Variants in AKAP8L observed in about 807,000 individuals in gnomAD.
AKAP8L encodes A-kinase anchor protein 8-like.
Under a neutral mutation model 77.5 loss-of-function variants are expected in AKAP8L, and 34 were observed. The observed-to-expected ratio is 0.44, with a 90% confidence interval of 0.33 to 0.58. AKAP8L has a LOEUF of 0.58. AKAP8L is among the 20% of genes least tolerant of loss of function. The pLI is 0.02. For synonymous variants in AKAP8L, 342 were observed against 340.7 expected, an observed-to-expected ratio of 1.00 and a Z score of -0.04; for missense variants, 806 against 887.6, an observed-to-expected ratio of 0.91 and a Z score of 1.17.
chr19:15,411,579 G>A (rs991154460), intron 1 of AKAP8L, among the ~76,000 whole-genome samples: 8 of 152,236 alleles, frequency 5.3e-5, no homozygotes, highest in South Asian at 2.1e-4. Flanking sequence ...AGCTATGATT[G>A]CGCCACTGCA....
Position 15,391,860 on chromosome 19 carries a change from A to G in AKAP8L, c.1536+5290T>C, listed in dbSNP as rs117244593. On this transcript the variant is annotated intron_variant, in intron 12 of 13. Coordinates refer to ENST00000397410, the MANE Select transcript of AKAP8L (RefSeq NM_014371.4). ...CCTTATGTTTTTATTTTTTAGAGAC[A>G]GGGTCTTGCTCTGTCACTCATGCTG... Among the ~76,000 whole-genome samples, 12 of 152,004 alleles carry G rather than the reference A, an allele frequency of 7.9e-5. No homozygotes were observed. In the East Asian group the frequency reaches 2.3e-3, roughly 30 times the overall value.
rs1006947124 is a variant in AKAP8L, at chr19:15,403,660, A to G, written c.177T>C (p.Tyr59=). 7 of 1,612,632 alleles carry G rather than the reference A, an allele frequency of 4.3e-6. No individual in the cohort carries two copies. ...AGTGTGAAGTGGCCATACCATACCC[A>G]TAGTTGGTGGTGTTATCCTGGCCAT... ...YGYGQDNTTN[Y]GYGMATSHSW... Residue 59 remains tyrosine, a synonymous_variant, in exon 4 of 14, where the codon TAT becomes TAC. Coordinates refer to ENST00000397410, the MANE Select transcript of AKAP8L (RefSeq NM_014371.4). The surrounding 1 kb of genome is among the most constrained non-coding windows in gnomAD (Gnocchi z 4.3).
At chr19:15,389,993 T>A (rs747009216) in intron 12 of AKAP8L, among the ~76,000 whole-genome samples, 6 of 151,850 alleles carry the variant, frequency 4.0e-5, no homozygotes, top group East Asian at 1.9e-4. Context: ...CTATTTATTT[T>A]TTTTTAATCA....
chr19:15,380,181 G>A lies in AKAP8L; in HGVS notation c.1882C>T (p.Arg628Cys), dbSNP rs977775746. 20 of 1,504,916 alleles carry A rather than the reference G, an allele frequency of 1.3e-5. No individual in the cohort carries two copies. The highest frequency in any genetic ancestry group is 1.8e-5 in the Non-Finnish European group (20 of 1,135,504). 93.2% of individuals were successfully genotyped at this position (1,504,916 alleles called of 1,614,324 possible). Reference sequence around the variant, plus strand: ...TCCACGTCGAGGCCCGGGATGCCGCGGATCTGGCGTTGCAGCGCCCCTCCC... The same window carrying A: ...TCCACGTCGAGGCCCGGGATGCCGCAGATCTGGCGTTGCAGCGCCCCTCCC... ...LLGGALQRQI[R>C]GIPGLDVEDD... is the part of the protein sequence containing the mutation. The change falls in exon 14 of 14, where the codon CGC (arginine) becomes TGC (cysteine). Residue 628 changes from arginine to cysteine, a missense_variant. Physicochemically the swap from Arg to Cys is radical, Grantham distance 180. Transcript: ENST00000397410.
rs1239394057 is a variant in AKAP8L, at chr19:15,405,792, C to T, written c.89-1750G>A. Among the ~76,000 whole-genome samples, 6 of 151,950 alleles carry T rather than the reference C, an allele frequency of 3.9e-5. No homozygotes were observed. In the South Asian group the frequency reaches 1.2e-3, roughly 32 times the overall value. On this transcript the variant is annotated intron_variant, in intron 2 of 13. Transcript: ENST00000397410. ...CAAAAATTAGCCAGGTGTGGTGGTG[C>T]GCGTCTATGGTCTCAGATGCTTGGG...
chr19:15,380,074 T>G lies in AKAP8L; in HGVS notation c.*48A>C. 6.9e-7 allele frequency: 1 copy of G among 1,440,306 alleles called. No homozygotes were observed. Among genetic ancestry groups the G allele is most frequent in the East Asian group, 2.9e-5 (1 of 34,268 alleles). 89.2% of individuals were successfully genotyped at this position (1,440,306 alleles called of 1,614,324 possible). A position where few individuals can be genotyped will look rare whatever the true frequency, so the allele number is the denominator to read the frequency against. On this transcript the variant is annotated 3_prime_UTR_variant, in exon 14 of 14. Coordinates refer to ENST00000397410, the MANE Select transcript of AKAP8L (RefSeq NM_014371.4). ...GTGGGATGGGAAAACTTTATTAGGT[T>G]TGGTTTCCAGCTTCGGCCACGCGGG...
chr19:15,408,253 G>A (rs1364210648), intron 2 of AKAP8L, among the ~76,000 whole-genome samples: 1 of 152,014 alleles, frequency 6.6e-6, no homozygotes, highest in African/African-American at 2.4e-5. Context: ...TTCAGTAAAG[G>A]TACGAAGGCA....
intron 12 of AKAP8L, among the ~76,000 whole-genome samples, chr19:15,392,681 A>G (rs7253722): frequency 0.81 from 122,220 of 151,352 alleles, 49,724 homozygotes; most frequent in East Asian, 0.99. Flanking sequence ...TGGATCCCCC[A>G]AGGTCAGGAG....
chr19:15,418,803 G>A, intron 1 of AKAP8L, 108 bp downstream of exon 1: 1 of 1,115,670 alleles, frequency 9.0e-7, no homozygotes, highest in South Asian at 1.4e-5. Flanking sequence ...TGACCGCAGG[G>A]AAGGCAGTGA....
In AKAP8L at chr19:15,399,640, G is replaced by T. The variant is rs1469335554; in HGVS notation, c.1049-230C>A. On this transcript the variant is annotated intron_variant, in intron 8 of 13. Transcript: ENST00000397410. The surrounding 1 kb of genome is among the most constrained non-coding windows in gnomAD (Gnocchi z 6.1). ...AGGCGATGACCCCTCCACTCTCCAGGACACCCATGCTCTCTGTGCAGTGGG... is the reference window on the plus strand; with the variant it reads ...AGGCGATGACCCCTCCACTCTCCAGTACACCCATGCTCTCTGTGCAGTGGG... The T allele has an allele frequency of 1.8e-6, 1 of 565,866 alleles. No homozygotes were observed. Among genetic ancestry groups the T allele is most frequent in the African/African-American group, 1.9e-5 (1 of 53,020 alleles). The allele number at this position is 565,866 out of a possible 1,614,324, so 35.1% of individuals were successfully genotyped here. A position where few individuals can be genotyped will look rare whatever the true frequency, so the allele number is the denominator to read the frequency against.
chr19:15,410,404 C>T, intron 2 of AKAP8L, 116 bp downstream of exon 2: 1 of 864,906 alleles, frequency 1.2e-6, no homozygotes, highest in Non-Finnish European at 1.8e-6. Flanking sequence ...CACACCATTT[C>T]ACACAAGTTT....
At chr19:15,395,249 G>A (rs920974147) in intron 12 of AKAP8L, among the ~76,000 whole-genome samples, 2 of 151,964 alleles carry the variant, frequency 1.3e-5, no homozygotes, top group African/African-American at 4.8e-5. Context: ...AGCCAGGATG[G>A]TCTCAATCTC....
chr19:15,406,404 A>AGG (rs60749981), intron 2 of AKAP8L, among the ~76,000 whole-genome samples: 8 of 143,710 alleles, frequency 5.6e-5, no homozygotes, highest in Non-Finnish European at 1.2e-4. Flanking sequence ...AGAGAGAGAG[A>AGG]TCCTTAAAAT....
Position 15,380,283 on chromosome 19 carries a change from C to G in AKAP8L, c.1780G>C (p.Glu594Gln). The G allele has an allele frequency of 6.6e-7, 1 of 1,526,018 alleles. No homozygotes were observed. The allele number at this position is 1,526,018 out of a possible 1,614,324, so 94.5% of individuals were successfully genotyped here. ...GVPAQPPVPP[E>Q]PAPGAVSPPP... Reference sequence around the variant, plus strand: ...GGCGACACGGCCCCGGGGGCTGGCTCTGGGGGCACGGGAGGCTGCGCCGGC... The same window carrying G: ...GGCGACACGGCCCCGGGGGCTGGCTGTGGGGGCACGGGAGGCTGCGCCGGC... The change falls in exon 14 of 14, where the codon GAG becomes CAG. Residue 594 changes from glutamate to glutamine, a missense_variant. Coordinates refer to ENST00000397410, the MANE Select transcript of AKAP8L (RefSeq NM_014371.4).
intron 12 of AKAP8L, chr19:15,381,226 C>T (rs929182092): frequency 1.3e-5 from 2 of 153,066 alleles, no homozygotes; most frequent in Admixed American, 1.3e-4. Flanking sequence ...AATTTAAGAA[C>T]TGGAAACATG....
rs192053249 is a variant in AKAP8L at position 15,417,730 on chromosome 19, C to T, written c.13+1181G>A. ...GCCCCACAGACTCACGTTGCATTCTCAGTTCTCAAAATTCCAAGTAGAATG... is the reference window on the plus strand; with the variant it reads ...GCCCCACAGACTCACGTTGCATTCTTAGTTCTCAAAATTCCAAGTAGAATG... On this transcript the variant is annotated intron_variant, in intron 1 of 13. Coordinates refer to ENST00000397410, the MANE Select transcript of AKAP8L (RefSeq NM_014371.4). 6.6e-5 allele frequency: 10 copies of T among 152,316 alleles called. No individual in the cohort carries two copies. The East Asian group carries it at 1.7e-3, about 26-fold the overall frequency. 9.4% of individuals were successfully genotyped at this position (152,316 alleles called of 1,614,324 possible).
chr19:15,400,850 C>G lies in AKAP8L; in HGVS notation c.928G>C (p.Gly310Arg). Residue 310 changes from glycine to arginine, a missense_variant, in exon 7 of 14, where the codon GGG (glycine) becomes CGG (arginine). Gly to Arg is a moderately radical substitution (Grantham distance 125). Transcript: ENST00000397410. ...CCTTCAAGGCCCTCTGTGGCTTCCCCCTCGGTGCCCTCATCTGAAAGGGAA... is the reference window on the plus strand; with the variant it reads ...CCTTCAAGGCCCTCTGTGGCTTCCCGCTCGGTGCCCTCATCTGAAAGGGAA... ...SDSDNDEGTE[G>R]EATEGLEGTE... The G allele has an allele frequency of 6.2e-7, 1 of 1,614,020 alleles. No individual in the cohort carries two copies. Among genetic ancestry groups the G allele is most frequent in the Non-Finnish European group, 8.5e-7 (1 of 1,179,882 alleles).
chr19:15,392,880 G>A (rs555449241), intron 12 of AKAP8L, among the ~76,000 whole-genome samples: 276 of 25,226 alleles, frequency 0.011, no homozygotes, highest in Middle Eastern at 0.059. Context: ...TGGGCAACAA[G>A]AGCAAAACTC....
chr19:15,397,842 A>T lies in AKAP8L; in HGVS notation c.1171T>A (p.Cys391Ser). 6.2e-7 allele frequency: 1 copy of T among 1,613,902 alleles called. No individual in the cohort carries two copies. The highest frequency in any genetic ancestry group is 8.5e-7 in the Non-Finnish European group (1 of 1,179,848). The stretch of plus-strand genomic sequence containing the variant: ...AAGGTCCGGTATTTGCACAGAGAAC[A>T]CACAAACTGGATCCTGCCACAGGAA... ...DRMVERIQFV[C>S]SLCKYRTFYE... Residue 391 changes from cysteine (C) to serine (S), a missense_variant, in exon 10 of 14, where the codon TGT (cysteine) becomes AGT (serine). Physicochemically the swap from Cys to Ser is moderately radical, Grantham distance 112. Around this residue, in one of 2 missense-constraint regions of AKAP8L, gnomAD observed 580 missense variants for 694.1 expected, o/e 0.84. Coordinates refer to ENST00000397410, the MANE Select transcript of AKAP8L (RefSeq NM_014371.4). The surrounding 1 kb of genome is among the most constrained non-coding windows in gnomAD (Gnocchi z 4.7).
Sources: gnomAD v4.1 joint callset for allele counts (sites outside exome capture counted in the v4.1 genomes callset) on GRCh38, gnomAD v4.1.1 for gene constraint, gnomAD v4.1.1 regional missense constraint, Gnocchi (gnomAD v3.1) non-coding constraint, MANE v1.5 for transcripts, NCBI Gene and HGNC (gene_info 2026-07-23, HGNC 2026-07-21) for gene names.